The following KATNIP variants were observed in gnomAD, a reference collection of about 807,000 sequenced individuals.
KATNIP encodes katanin-interacting protein.
In KATNIP, 126 loss-of-function variants were observed where a neutral mutation model predicts 174.0. The ratio of observed to expected loss-of-function variants is 0.72; its 90% CI spans 0.63 to 0.84. The LOEUF (loss-of-function observed/expected upper bound fraction) is 0.84, where lower values mean the gene tolerates loss of function less well. Among genes scored for constraint, KATNIP ranks in the 40% least tolerant of loss-of-function variants. KATNIP has a pLI of 0.00. For synonymous variants in KATNIP, 810 were observed against 835.7 expected (o/e 0.97, Z 0.53); for missense variants, 1,958 against 2,109.7 (o/e 0.93, Z 1.41).
chr16:27,652,760 C>T (rs1400831141), intron 6 of KATNIP, among the ~76,000 whole-genome samples: 4 of 149,452 alleles, frequency 2.7e-5, no homozygotes, highest in African/African-American at 5.0e-5. Context: ...TTACAGGAGC[C>T]GAGATGGAGC....
intron 2 of KATNIP, among the ~76,000 whole-genome samples, chr16:27,584,206 C>A (rs1459056832): frequency 6.6e-6 from 1 of 151,962 alleles, no homozygotes; most frequent in Non-Finnish European, 1.5e-5. Context: ...TCCTTCCTGT[C>A]ATTTTCGGAA....
At chr16:27,581,658 T>C (rs959539318) in intron 2 of KATNIP, among the ~76,000 whole-genome samples, 3 of 152,232 alleles carry the variant, frequency 2.0e-5, no homozygotes, top group Non-Finnish European at 4.4e-5. Context: ...AGTTGTTTAG[T>C]GGTGATGTGT....
intron 8 of KATNIP, among the ~76,000 whole-genome samples, chr16:27,685,568 G>A (rs1240810291): frequency 6.6e-6 from 1 of 152,012 alleles, no homozygotes; most frequent in Non-Finnish European, 1.5e-5. Context: ...CATGTCACTG[G>A]GTCCATTTAA....
chr16:27,697,596 TTATA>T (rs1032549379), intron 8 of KATNIP, among the ~76,000 whole-genome samples: 2 of 149,480 alleles, frequency 1.3e-5, no homozygotes, highest in African/African-American at 4.9e-5. Context: ...TATATAAAAA[TTATA>T]TATAATTATA....
chr16:27,689,496 G>A (rs2078638942), intron 8 of KATNIP, among the ~76,000 whole-genome samples: 2 of 152,022 alleles, frequency 1.3e-5, no homozygotes, highest in Admixed American at 6.6e-5. Flanking sequence ...ACATCCAAGA[G>A]TAGAAGTCAT....
intron 13 of KATNIP, among the ~76,000 whole-genome samples, chr16:27,713,479 C>T (rs2079678265): frequency 6.6e-6 from 1 of 151,634 alleles, no homozygotes; most frequent in South Asian, 2.1e-4. Flanking sequence ...TGGTTCACAC[C>T]TATAATCCCA....
intron 1 of KATNIP, among the ~76,000 whole-genome samples, chr16:27,572,362 A>ACACAC (rs2090336667): frequency 7.2e-6 from 1 of 138,058 alleles, no homozygotes; most frequent in African/African-American, 2.7e-5. Context: ...CAAAAAAGAA[A>ACACAC]ACACACACAC....
intron 5 of KATNIP, among the ~76,000 whole-genome samples, chr16:27,632,155 C>T (rs986317028): frequency 6.6e-6 from 1 of 152,204 alleles, no homozygotes; most frequent in Non-Finnish European, 1.5e-5. Context: ...CATAGTCACT[C>T]ATACCTTACC....
At chr16:27,556,411 A>T in intron 1 of KATNIP, among the ~76,000 whole-genome samples, 1 of 152,214 alleles carries the variant, frequency 6.6e-6, no homozygotes, top group Non-Finnish European at 1.5e-5. Flanking sequence ...GAAATGGTTT[A>T]GGAAAAAAAA....
chr16:27,609,378 CTTTTTTTTTTTTTTT>C (rs35339029), intron 2 of KATNIP, among the ~76,000 whole-genome samples: 1 of 55,634 alleles, frequency 1.8e-5, no homozygotes, highest in South Asian at 1.1e-3. Context: ...TGAGTTAAGT[CTTTTTTTTTTTTTTT>C]TTTTTTTTTT....
intron 5 of KATNIP, among the ~76,000 whole-genome samples, chr16:27,635,255 G>C (rs1352643590): frequency 6.6e-6 from 1 of 152,222 alleles, no homozygotes; most frequent in Non-Finnish European, 1.5e-5. Context: ...AGTGATTAAT[G>C]CTGAATTATA....
intron 6 of KATNIP, among the ~76,000 whole-genome samples, chr16:27,665,265 G>C (rs1482189073): frequency 1.3e-5 from 2 of 151,724 alleles, no homozygotes; most frequent in Non-Finnish European, 2.9e-5. Context: ...CACCACGCCT[G>C]GCTAATTTTT....
chr16:27,753,669 C>G (rs1457328329), intron 17 of KATNIP, among the ~76,000 whole-genome samples: 2 of 152,140 alleles, frequency 1.3e-5, no homozygotes, highest in Non-Finnish European at 2.9e-5. Flanking sequence ...AGTGAACAGC[C>G]AAAGTTAAGA....
chr16:27,583,474 A>G (rs1488314334), intron 2 of KATNIP, among the ~76,000 whole-genome samples: 1 of 152,210 alleles, frequency 6.6e-6, no homozygotes, highest in Non-Finnish European at 1.5e-5. Context: ...TTACTCAGGA[A>G]AGGTATGTCT....
At chr16:27,761,316 A>C in intron 18 of KATNIP, 97 bp from the exon 19 acceptor site, 2 of 1,302,798 alleles carry the variant, frequency 1.5e-6, no homozygotes, top group Admixed American at 2.4e-5. Context: ...AAGTTGCTAG[A>C]ATATAGAGGC....
chr16:27,629,601 G>A (rs75770147), intron 4 of KATNIP, among the ~76,000 whole-genome samples: 1,771 of 152,274 alleles, frequency 0.012, 47 homozygotes, highest in African/African-American at 0.04. Context: ...TCCCAACCCA[G>A]CCTAGCATAG....
intron 2 of KATNIP, among the ~76,000 whole-genome samples, chr16:27,592,270 CTTTTTTT>C (rs71137799): frequency 1.8e-4 from 8 of 44,824 alleles, no homozygotes; most frequent in Admixed American, 3.8e-4. Flanking sequence ...GCATATATTA[CTTTTTTT>C]TTTTTTTTTT....
rs778415617 is a variant in KATNIP, at chr16:27,749,591, C to T, written c.2631C>T (p.Thr877=). 5 of 1,529,058 alleles carry T rather than the reference C, an allele frequency of 3.3e-6. No homozygotes were observed. Among genetic ancestry groups the T allele is most frequent in the Admixed American group, 4.3e-5 (2 of 46,666 alleles). 94.7% of individuals were successfully genotyped at this position (1,529,058 alleles called of 1,614,324 possible). A position where few individuals can be genotyped will look rare whatever the true frequency, so the allele number is the denominator to read the frequency against. The change falls in exon 16 of 28, where the codon ACC becomes ACT. Residue 877 remains threonine, a synonymous_variant. Transcript: ENST00000261588. ...GDDQPASRED[T]WSSRTPSRSR... ...TTGTGTCCTTTCTTCCAGAAGACACCTGGTCTTCCAGGACGCCGTCACGGT... is the reference window on the plus strand; with the variant it reads ...TTGTGTCCTTTCTTCCAGAAGACACTTGGTCTTCCAGGACGCCGTCACGGT...
intron 3 of KATNIP, among the ~76,000 whole-genome samples, chr16:27,622,564 C>T (rs982654763): frequency 6.6e-6 from 1 of 152,182 alleles, no homozygotes; most frequent in East Asian, 1.9e-4. Context: ...CTGTAATATA[C>T]ACCTCTAGAC....
Sources: allele counts gnomAD v4.1 joint callset (sites outside exome capture counted in the v4.1 genomes callset), GRCh38; gene constraint gnomAD v4.1.1; transcripts MANE v1.5; gene names NCBI Gene and HGNC (gene_info 2026-07-23, HGNC 2026-07-21).